PTPRH: variants seen among roughly 807,000 people sequenced by gnomAD.
PTPRH encodes the protein receptor-type tyrosine-protein phosphatase H.
A neutral mutation model predicts 130.2 loss-of-function variants in PTPRH; 113 were observed. The ratio of observed to expected loss-of-function variants is 0.87; its 90% CI spans 0.75 to 1.01. PTPRH has a LOEUF of 1.01. PTPRH is among the 50% of genes least tolerant of loss of function. PTPRH has a pLI of 0.00. For synonymous variants in PTPRH, 556 were observed against 577.9 expected (o/e 0.96, Z 0.54); for missense variants, 1,430 against 1,425.0 (o/e 1.00, Z -0.06).
At chr19:55,202,982 GAGTCA>G (rs1159838148) in intron 5 of PTPRH, among the ~76,000 whole-genome samples, 1 of 149,544 alleles carries the variant, frequency 6.7e-6, no homozygotes, top group Non-Finnish European at 1.5e-5. Context: ...AGGTTGCAGT[GAGTCA>G]AGATCATGCC....
chr19:55,192,652 C>T (rs771254251), intron 10 of PTPRH, among the ~76,000 whole-genome samples: 36 of 150,614 alleles, frequency 2.4e-4, no homozygotes, highest in Non-Finnish European at 4.0e-4. Context: ...CCCGGGTTCA[C>T]GCCATTCTCC....
chr19:55,187,261 C>T (rs1202941682), intron 14 of PTPRH, among the ~76,000 whole-genome samples: 12 of 132,126 alleles, frequency 9.1e-5, no homozygotes, highest in East Asian at 4.6e-4. Context: ...AGGAGAATGG[C>T]GTGAACCCGG....
chr19:55,184,422 G>T (rs553930058), intron 18 of PTPRH, among the ~76,000 whole-genome samples: 1 of 152,330 alleles, frequency 6.6e-6, no homozygotes, highest in South Asian at 2.1e-4. Context: ...CCCAGTCTCA[G>T]GGGCTGTTAC....
chr19:55,203,718 C>A (rs1479890945), intron 5 of PTPRH, 64 bp downstream of exon 5: 1 of 1,512,340 alleles, frequency 6.6e-7, no homozygotes, highest in African/African-American at 1.4e-5. Context: ...TTTGTCAGCT[C>A]CCAACCACCC....
In PTPRH at chr19:55,205,481, T is replaced by A; in HGVS notation, c.464A>T (p.Glu155Val). Residue 155 changes from glutamate (E) to valine (V), a missense_variant, in exon 4 of 20, where the codon GAG (glutamate) becomes GTG (valine). Coordinates refer to ENST00000376350, the MANE Select transcript of PTPRH (RefSeq NM_002842.5). Reference protein sequence around the residue: ...PDPQNSTYGVEYTGDGGRAGT... With the variant: ...PDPQNSTYGVVYTGDGGRAGT... ...TGCTCTGCCACCATCTCCAGTGTAC[T>A]CAACCCCGTAGGTGGAGTTCTGTGG... 6.2e-7 allele frequency: 1 copy of A among 1,614,220 alleles called. No individual in the cohort carries two copies. Among genetic ancestry groups the A allele is most frequent in the Non-Finnish European group, 8.5e-7 (1 of 1,180,032 alleles).
At chr19:55,201,806 G>A (rs1207177767) in intron 6 of PTPRH, among the ~76,000 whole-genome samples, 1 of 152,226 alleles carries the variant, frequency 6.6e-6, no homozygotes, top group Admixed American at 6.5e-5. Context: ...GGTGCAGGAA[G>A]GTGCCCCTTG....
At chr19:55,187,703 GT>G in intron 13 of PTPRH, 100 bp from the exon 14 acceptor site, 1 of 836,770 alleles carries the variant, frequency 1.2e-6, no homozygotes, top group Non-Finnish European at 2.0e-6. Context: ...ATCACCCCTT[GT>G]TTATTCGTTG....
In PTPRH at chr19:55,197,521, G is replaced by A. The variant is rs913505088; in HGVS notation, c.1691-105C>T. The A allele has an allele frequency of 6.4e-6, 7 of 1,088,654 alleles. No individual in the cohort carries two copies. In the African/African-American group the frequency reaches 7.8e-5, roughly 12 times the overall value. The allele number at this position is 1,088,654 out of a possible 1,614,324, so 67.4% of individuals were successfully genotyped here. A position where few individuals can be genotyped will look rare whatever the true frequency, so the allele number is the denominator to read the frequency against. Reference sequence around the variant, plus strand: ...AAAGCTGAGATATCCATTATTGATGGCTCCAGTGGCTAAGGAGGCTGAACC... The same window carrying A: ...AAAGCTGAGATATCCATTATTGATGACTCCAGTGGCTAAGGAGGCTGAACC... On this transcript the variant is annotated intron_variant, in intron 8 of 19. Coordinates refer to ENST00000376350, the MANE Select transcript of PTPRH (RefSeq NM_002842.5).
intron 1 of PTPRH, among the ~76,000 whole-genome samples, chr19:55,207,586 G>C (rs2087110879): frequency 6.6e-6 from 1 of 151,950 alleles, no homozygotes; most frequent in Non-Finnish European, 1.5e-5. Context: ...TGGGGGCCTG[G>C]GGGCCTGGGT....
chr19:55,188,393 G>A (rs2086429484), intron 12 of PTPRH, among the ~76,000 whole-genome samples: 1 of 152,096 alleles, frequency 6.6e-6, no homozygotes, highest in Admixed American at 6.5e-5. Context: ...CACGCCTGTA[G>A]TCCCAACTAC....
chr19:55,189,687 C>T (rs759462405), intron 12 of PTPRH: 27 of 456,000 alleles, frequency 5.9e-5, no homozygotes, highest in Non-Finnish European at 1.1e-4. Flanking sequence ...AATATCCTGC[C>T]GAAAATATTC....
chr19:55,189,641 T>A (rs2086466126), intron 12 of PTPRH: 9 of 455,470 alleles, frequency 2.0e-5, no homozygotes, highest in South Asian at 1.4e-4. Flanking sequence ...CTCAGATGAC[T>A]TCCTCTTAGT....
At chr19:55,188,630 G>A (rs965522193) in intron 12 of PTPRH, among the ~76,000 whole-genome samples, 2 of 152,166 alleles carry the variant, frequency 1.3e-5, no homozygotes, top group African/African-American at 4.8e-5. Flanking sequence ...CTATCACCAT[G>A]GCTTGGAGTC....
intron 12 of PTPRH, chr19:55,189,762 C>T (rs1175301809): frequency 6.6e-6 from 3 of 455,516 alleles, no homozygotes; most frequent in African/African-American, 6.0e-5. Context: ...GGAAGGGCTG[C>T]TTGGGGCCAG....
chr19:55,181,508 A>C lies in PTPRH; in HGVS notation c.*246T>G. On this transcript the variant is annotated 3_prime_UTR_variant, in exon 20 of 20. Coordinates refer to ENST00000376350, the MANE Select transcript of PTPRH (RefSeq NM_002842.5). ...TCTGCATCCTGGAAAGACCTAGGGA[A>C]TCCAAGCTATCATCCCTCTCCTCCT... 5 of 508,220 alleles carry C rather than the reference A, an allele frequency of 9.8e-6. No homozygotes were observed. The highest frequency in any genetic ancestry group is 1.8e-5 in the Non-Finnish European group (5 of 283,226). The allele number at this position is 508,220 out of a possible 1,614,324, so 31.5% of individuals were successfully genotyped here.
chr19:55,187,936 G>A (rs2086410080), intron 13 of PTPRH, 142 bp downstream of exon 13: 1 of 646,546 alleles, frequency 1.5e-6, no homozygotes, highest in Non-Finnish European at 2.8e-6. Context: ...TAACATGGCT[G>A]GGAATCTCTG....
rs188190040 is a variant in PTPRH, at chr19:55,201,482, G to A, written c.1153+574C>T. On this transcript the variant is annotated intron_variant, in intron 6 of 19. Transcript: ENST00000376350. Reference sequence around the variant, plus strand: ...GGCATTAGCACCGTGGAGGATGAAGGGGGGACTGGGAGCCCCTCAACAGGC... The same window carrying A: ...GGCATTAGCACCGTGGAGGATGAAGAGGGGACTGGGAGCCCCTCAACAGGC... Among the ~76,000 whole-genome samples the A allele has an allele frequency of 6.6e-5, 10 of 152,228 alleles. 1 individual carries two copies. Among genetic ancestry groups the A allele is most frequent in the Non-Finnish European group, 1.3e-4 (9 of 68,034 alleles).
chr19:55,186,542 TAGG>T lies in PTPRH; in HGVS notation c.2567-5_2567-3del, dbSNP rs760631178. 4.3e-6 allele frequency: 6 copies of T among 1,381,148 alleles called. No homozygotes were observed. The highest frequency in any genetic ancestry group is 4.7e-6 in the Non-Finnish European group (5 of 1,072,616). The allele number at this position is 1,381,148 out of a possible 1,614,324, so 85.6% of individuals were successfully genotyped here. On this transcript the variant is annotated splice_region_variant and splice_polypyrimidine_tract_variant and intron_variant, in intron 14 of 19. Coordinates refer to ENST00000376350, the MANE Select transcript of PTPRH (RefSeq NM_002842.5). ...TCAGGGGCACCCGGGACCAGTCATCTAGGAGAAGAGGCCAGCATTAGCCAGGCA... is the reference window on the plus strand; with the variant it reads ...TCAGGGGCACCCGGGACCAGTCATCTAGAAGAGGCCAGCATTAGCCAGGCA...
At position 55,205,420 on chromosome 19, in the gene PTPRH, C is replaced by G. The variant is rs755684524; in HGVS notation, c.525G>C (p.Val175=). 28 of 1,614,056 alleles carry G rather than the reference C, an allele frequency of 1.7e-5. No homozygotes were observed. The East Asian group carries it at 5.8e-4, about 33-fold the overall frequency. ...ACAAACACCCGGGTTCAAGTCCATC[C>G]ACGGTGATGTTAGTGTGTGCTGTGC... ...TRSTAHTNIT[V]DGLEPGCLYA... Residue 175 remains valine, a synonymous_variant, in exon 4 of 20, where the codon GTG becomes GTC. Transcript: ENST00000376350.
Sources: allele counts gnomAD v4.1 joint callset (sites outside exome capture counted in the v4.1 genomes callset), GRCh38; gene constraint gnomAD v4.1.1; transcripts MANE v1.5; gene names NCBI Gene and HGNC (gene_info 2026-07-23, HGNC 2026-07-21).